Variants in PHF3 observed in about 807,000 individuals in gnomAD.
PHF3 encodes PHD finger protein 3.
A neutral mutation model predicts 178.4 loss-of-function variants in PHF3; 41 were observed. That is an observed-to-expected ratio of 0.23 (90% confidence interval 0.18 to 0.30). The LOEUF (loss-of-function observed/expected upper bound fraction) is 0.30, where lower values mean the gene tolerates loss of function less well. Among genes scored for constraint, PHF3 ranks in the 10% least tolerant of loss-of-function variants. PHF3 has a pLI of 1.00. For missense variants in PHF3, 2,346 were observed against 2,398.1 expected, an observed-to-expected ratio of 0.98 and a Z score of 0.45; for synonymous variants, 842 against 800.5, an observed-to-expected ratio of 1.05 and a Z score of -0.88.
rs1424163302 is a variant in PHF3, at chr6:63,712,466, T to C, written c.4878T>C (p.Asp1626=). Residue 1626 remains aspartate (D), a synonymous_variant, in exon 16 of 16, where the codon GAT becomes GAC. Coordinates refer to ENST00000262043, the MANE Select transcript of PHF3 (RefSeq NM_001370348.2). Reference sequence around the variant, plus strand: ...CTAATGTAGGAAAAGGAAACATAGATGGTAATGTGAGCTGTAGTGAAAACC... The same window carrying C: ...CTAATGTAGGAAAAGGAAACATAGACGGTAATGTGAGCTGTAGTGAAAACC... ...CRSNVGKGNI[D]GNVSCSENLV... 1 of 1,613,924 alleles carries C rather than the reference T, an allele frequency of 6.2e-7. No homozygotes were observed. The highest frequency in any genetic ancestry group is 2.2e-5 in the East Asian group (1 of 44,846).
chr6:63,650,787 T>G (rs776750934), intron 2 of PHF3, among the ~76,000 whole-genome samples: 20 of 152,192 alleles, frequency 1.3e-4, no homozygotes, highest in Non-Finnish European at 2.4e-4. Flanking sequence ...TTAAAAAGTT[T>G]TGGGTTTTAT....
intron 4 of PHF3, 76 bp from the exon 5 acceptor site, chr6:63,691,661 T>G: frequency 7.9e-7 from 1 of 1,264,818 alleles, no homozygotes; most frequent in Non-Finnish European, 1.1e-6. Flanking sequence ...ATTGAAAATT[T>G]AATTTAGCCT....
chr6:63,650,984 A>G (rs971761297), intron 2 of PHF3, among the ~76,000 whole-genome samples: 1 of 152,180 alleles, frequency 6.6e-6, no homozygotes, highest in Non-Finnish European at 1.5e-5. Flanking sequence ...ATATAAGTTC[A>G]TTATATATCT....
chr6:63,669,628 T>G (rs187389735), intron 2 of PHF3, among the ~76,000 whole-genome samples: 2 of 152,326 alleles, frequency 1.3e-5, no homozygotes, highest in Admixed American at 1.3e-4. Context: ...TAAACCATAT[T>G]AAAGTAGTTT....
chr6:63,697,566 G>GT (rs1767285893), intron 6 of PHF3, among the ~76,000 whole-genome samples: 1 of 152,146 alleles, frequency 6.6e-6, no homozygotes, highest in Non-Finnish European at 1.5e-5. Flanking sequence ...AAGGATAAAA[G>GT]TTGGCTTTGA....
chr6:63,691,022 G>A (rs1272816196), intron 4 of PHF3, among the ~76,000 whole-genome samples: 1 of 152,118 alleles, frequency 6.6e-6, no homozygotes, highest in African/African-American at 2.4e-5. Flanking sequence ...TTTATGTTAA[G>A]ATAGAATAGT....
At position 63,684,707 on chromosome 6, in the gene PHF3, T is replaced by A. The variant is rs781746178; in HGVS notation, c.985T>A (p.Ser329Thr). The A allele has an allele frequency of 6.2e-7, 1 of 1,613,656 alleles. No homozygotes were observed. Among genetic ancestry groups the A allele is most frequent in the Non-Finnish European group, 8.5e-7 (1 of 1,179,778 alleles). Residue 329 changes from serine to threonine, a missense_variant, in exon 4 of 16, where the codon TCC becomes ACC. Ser to Thr is a moderately conservative substitution (Grantham distance 58). Coordinates refer to ENST00000262043, the MANE Select transcript of PHF3 (RefSeq NM_001370348.2). ...AGATTCAAAGGAGACAGTAAAATTA[T>A]CCCATGAAGATGACCATATTCTTGA... Reference protein sequence around the residue: ...EQDSKETVKLSHEDDHILEDA... With the variant: ...EQDSKETVKLTHEDDHILEDA...
chr6:63,708,672 A>G (rs1169714080), intron 13 of PHF3, among the ~76,000 whole-genome samples: 1 of 152,220 alleles, frequency 6.6e-6, no homozygotes, highest in Non-Finnish European at 1.5e-5. Context: ...CTTTAAAAAA[A>G]TAAACCTTGA....
rs564907739 is a variant in PHF3, at chr6:63,720,517, C to T, written c.*6809C>T. 1.7e-5 allele frequency: 18 copies of T among 1,050,800 alleles called. No homozygotes were observed. In the East Asian group the frequency reaches 2.4e-4, roughly 14 times the overall value. 65.1% of individuals were successfully genotyped at this position (1,050,800 alleles called of 1,614,324 possible). A position where few individuals can be genotyped will look rare whatever the true frequency, so the allele number is the denominator to read the frequency against. ...GTAATATAGTAAACAGTTGATTCCC[C>T]GTAAGCAATGTATCAAAGAAATAAC... On this transcript the variant is annotated 3_prime_UTR_variant, in exon 16 of 16. Coordinates refer to ENST00000262043, the MANE Select transcript of PHF3 (RefSeq NM_001370348.2).
chr6:63,673,795 A>C (rs966810370), intron 2 of PHF3, among the ~76,000 whole-genome samples: 1 of 152,192 alleles, frequency 6.6e-6, no homozygotes, highest in Non-Finnish European at 1.5e-5. Context: ...GCAAATGGGC[A>C]CCAAACTGTG....
rs2149617477 is a variant in PHF3, at chr6:63,715,487, G to C, written c.*1779G>C. 1 of 152,220 alleles carries C rather than the reference G, an allele frequency of 6.6e-6. No homozygotes were observed. Among genetic ancestry groups the C allele is most frequent in the Admixed American group, 6.5e-5 (1 of 15,268 alleles). The allele number at this position is 152,220 out of a possible 1,614,324, so 9.4% of individuals were successfully genotyped here. ...TAAATCTACCTTTACTGATATATCT[G>C]GTTGAGGGAATATCAGACTCCAGAT... On this transcript the variant is annotated 3_prime_UTR_variant, in exon 16 of 16. Transcript: ENST00000262043.
intron 1 of PHF3, among the ~76,000 whole-genome samples, chr6:63,640,143 A>G (rs1764512013): frequency 1.3e-5 from 2 of 152,218 alleles, no homozygotes; most frequent in East Asian, 1.9e-4. Flanking sequence ...GATTCTAACT[A>G]ACGAAACTGA....
chr6:63,643,364 G>A (rs79455274), intron 1 of PHF3, among the ~76,000 whole-genome samples: 1,793 of 152,208 alleles, frequency 0.012, 30 homozygotes, highest in African/African-American at 0.041. Context: ...ATGGCTACAT[G>A]CTGTTCATTT....
chr6:63,666,751 C>T (rs1765697937), intron 2 of PHF3, among the ~76,000 whole-genome samples: 1 of 151,676 alleles, frequency 6.6e-6, no homozygotes, highest in African/African-American at 2.4e-5. Flanking sequence ...TCATTGTCCC[C>T]CTCCTTTTTT....
In PHF3 at chr6:63,719,902, A is replaced by G. The variant is rs1381246196; in HGVS notation, c.*6194A>G. On this transcript the variant is annotated 3_prime_UTR_variant, in exon 16 of 16. Coordinates refer to ENST00000262043, the MANE Select transcript of PHF3 (RefSeq NM_001370348.2). The stretch of plus-strand genomic sequence containing the variant: ...TTTAATTCTTTTAGATATTTAGGAT[A>G]TTTGCCTTCATGTTTGTGATATGCA... The G allele has an allele frequency of 6.6e-6, 1 of 152,030 alleles. No homozygotes were observed. Among genetic ancestry groups the G allele is most frequent in the African/African-American group, 2.4e-5 (1 of 41,432 alleles). The allele number at this position is 152,030 out of a possible 1,614,324, so 9.4% of individuals were successfully genotyped here.
In PHF3 at chr6:63,685,499, A is replaced by C; in HGVS notation, c.1777A>C (p.Thr593Pro). 6.2e-7 allele frequency: 1 copy of C among 1,614,056 alleles called. No homozygotes were observed. Reference sequence around the variant, plus strand: ...TTTAGTACAAATTTTCAAGCCCTTAACTCATTCTTTGAGTGATAAGTCACA... The same window carrying C: ...TTTAGTACAAATTTTCAAGCCCTTACCTCATTCTTTGAGTGATAAGTCACA... The part of the protein sequence containing the change: ...QTLVQIFKPL[T>P]HSLSDKSHAH... The change falls in exon 4 of 16, where the codon ACT becomes CCT. Residue 593 changes from threonine to proline, a missense_variant. Around this residue, in one of 8 missense-constraint regions of PHF3, gnomAD observed 843 missense variants for 795.2 expected, o/e 1.06. Coordinates refer to ENST00000262043, the MANE Select transcript of PHF3 (RefSeq NM_001370348.2).
intron 11 of PHF3, among the ~76,000 whole-genome samples, chr6:63,705,296 C>T (rs922689402): frequency 2.0e-5 from 3 of 152,152 alleles, no homozygotes; most frequent in Non-Finnish European, 4.4e-5. Flanking sequence ...TCTAATTTTT[C>T]ACTTCACTAA....
rs1582141011 is a variant in PHF3, at chr6:63,721,930, TA to T, written c.*8223del. ...TAACAGATCTTGAGCACAATTGTGT[TA>T]GTTTTGTTTCCACTCACAGAGCAAA... On this transcript the variant is annotated 3_prime_UTR_variant, in exon 16 of 16. Coordinates refer to ENST00000262043, the MANE Select transcript of PHF3 (RefSeq NM_001370348.2). 5.0e-6 allele frequency: 4 copies of T among 798,048 alleles called. No homozygotes were observed. In the East Asian group the frequency reaches 1.1e-4, roughly 21 times the overall value. 49.4% of individuals were successfully genotyped at this position (798,048 alleles called of 1,614,324 possible).
At chr6:63,686,177 CAG>C (rs113234695) in intron 4 of PHF3, 6,508 of 399,946 alleles carry the variant, frequency 0.016, 125 homozygotes, top group South Asian at 0.06. Flanking sequence ...ACAGGTTAGA[CAG>C]TGTAATTTAG....
Sources: allele counts gnomAD v4.1 joint callset (sites outside exome capture counted in the v4.1 genomes callset), GRCh38; gene constraint gnomAD v4.1.1; regional missense constraint gnomAD v4.1.1; transcripts MANE v1.5; gene names NCBI Gene and HGNC (gene_info 2026-07-23, HGNC 2026-07-21).